Variants in RP2 observed in about 807,000 individuals in gnomAD.
The protein encoded by RP2 is protein XRP2.
A neutral mutation model predicts 20.3 loss-of-function variants in RP2; 3 were observed. That is an observed-to-expected ratio of 0.15 (90% CI 0.07 to 0.38). The LOEUF (loss-of-function observed/expected upper bound fraction) is 0.38. Among genes scored for constraint, RP2 ranks in the 10% least tolerant of loss-of-function variants. RP2 has a pLI of 1.00. For synonymous variants in RP2, 75 were observed against 94.8 expected, an observed-to-expected ratio of 0.79 and a Z score of 1.22; for missense variants, 233 against 268.5, an observed-to-expected ratio of 0.87 and a Z score of 0.92.
rs60305957 is a variant in RP2 at position 46,847,901 on chromosome X, T to C, written c.103-5575T>C. Among the ~76,000 whole-genome samples, 383 of 84,536 alleles carry C rather than the reference T, an allele frequency of 4.5e-3. 4 individuals are homozygous for C. The highest frequency in any genetic ancestry group is 0.013 in the African/African-American group (307 of 22,868). 73.4% of individuals were successfully genotyped at this position (84,536 alleles called of 115,157 possible). A position where few individuals can be genotyped will look rare whatever the true frequency, so the allele number is the denominator to read the frequency against. On this transcript the variant is annotated intron_variant, in intron 1 of 4. Coordinates refer to ENST00000218340, the MANE Select transcript of RP2 (RefSeq NM_006915.3). ...ACACGCATATATATGCGTATATACA[T>C]ATATATGGACTCATATATGTGTATA...
chrX:46,880,965 C>G lies in RP2; in HGVS notation c.*1196C>G, dbSNP rs782516221. ...GAGAAGGCACTGAATCTGCCATCCA[C>G]ATCACATATAGCAGCTATTATGAAA... On this transcript the variant is annotated 3_prime_UTR_variant, in exon 5 of 5. Coordinates refer to ENST00000218340, the MANE Select transcript of RP2 (RefSeq NM_006915.3). The G allele has an allele frequency of 8.9e-6, 1 of 111,782 alleles. No homozygotes were observed. The highest frequency in any genetic ancestry group is 1.9e-5 in the Non-Finnish European group (1 of 53,175). The allele number at this position is 111,782 out of a possible 1,213,427, so 9.2% of individuals were successfully genotyped here. A position where few individuals can be genotyped will look rare whatever the true frequency, so the allele number is the denominator to read the frequency against.
intron 3 of RP2, among the ~76,000 whole-genome samples, chrX:46,874,571 A>C (rs1013336848): frequency 1.8e-5 from 2 of 111,580 alleles, no homozygotes; most frequent in Non-Finnish European, 3.8e-5. Context: ...AAAAAAACTC[A>C]TTGTTTGCTA....
chrX:46,882,102 T>G lies in RP2; in HGVS notation c.*2333T>G, dbSNP rs782755122. 2 of 112,412 alleles carry G rather than the reference T, an allele frequency of 1.8e-5. No individual in the cohort carries two copies. Among genetic ancestry groups the G allele is most frequent in the Non-Finnish European group, 3.8e-5 (2 of 53,303 alleles). 9.3% of individuals were successfully genotyped at this position (112,412 alleles called of 1,213,427 possible). On this transcript the variant is annotated 3_prime_UTR_variant, in exon 5 of 5. Coordinates refer to ENST00000218340, the MANE Select transcript of RP2 (RefSeq NM_006915.3). The stretch of plus-strand genomic sequence containing the variant: ...AGTAGTGCTATGGTTGTTTCTATAA[T>G]TCTAACCTTTGATAGTAATCAGAAT...
intron 3 of RP2, among the ~76,000 whole-genome samples, chrX:46,860,488 T>C (rs1350715916): frequency 3.6e-5 from 4 of 112,210 alleles, no homozygotes; most frequent in African/African-American, 6.5e-5. Context: ...TTAATCATAC[T>C]GGAAAAGAAA....
At chrX:46,867,847 GCTGA>G (rs1193575552) in intron 3 of RP2, among the ~76,000 whole-genome samples, 8 of 111,819 alleles carry the variant, frequency 7.2e-5, no homozygotes, top group African/African-American at 9.8e-5. Context: ...TCCTTTTATG[GCTGA>G]CTAATATTCC....
intron 3 of RP2, among the ~76,000 whole-genome samples, chrX:46,860,903 T>C (rs1187609570): frequency 8.9e-6 from 1 of 112,150 alleles, no homozygotes; most frequent in African/African-American, 3.2e-5. Flanking sequence ...AAAATCTGTA[T>C]GCAAATGTTA....
intron 2 of RP2, among the ~76,000 whole-genome samples, chrX:46,856,568 A>G (rs142206340): frequency 3.0e-3 from 339 of 112,309 alleles, no homozygotes; most frequent in Non-Finnish European, 4.6e-3. Flanking sequence ...TAAAGAGGGT[A>G]AGTACCTTGC....
intron 3 of RP2, among the ~76,000 whole-genome samples, chrX:46,866,965 T>C (rs976240631): frequency 1.8e-5 from 2 of 112,112 alleles, no homozygotes; most frequent in East Asian, 5.6e-4. Context: ...CCTGTCCCTA[T>C]GATTTTGTCT....
At chrX:46,878,702 G>C (rs1198492337) in intron 4 of RP2, among the ~76,000 whole-genome samples, 2 of 111,136 alleles carry the variant, frequency 1.8e-5, no homozygotes, top group Non-Finnish European at 3.8e-5. Flanking sequence ...GTTAGAATTT[G>C]GACTTTTAGA....
At chrX:46,850,641 G>A (rs782292340) in intron 1 of RP2, among the ~76,000 whole-genome samples, 6 of 111,358 alleles carry the variant, frequency 5.4e-5, no homozygotes, top group Non-Finnish European at 9.4e-5. Context: ...CCTGGCATGG[G>A]AAGGGAGGGT....
At chrX:46,860,213 CTTT>C in intron 3 of RP2, 111 bp downstream of exon 3, 1 of 562,700 alleles carries the variant, frequency 1.8e-6, no homozygotes, top group East Asian at 3.6e-5. Context: ...CTCATTTGTT[CTTT>C]GTTTTTTTTC....
chrX:46,865,446 A>G (rs1925154090), intron 3 of RP2, among the ~76,000 whole-genome samples: 1 of 112,186 alleles, frequency 8.9e-6, no homozygotes, highest in Non-Finnish European at 1.9e-5. Flanking sequence ...ACGACATCAC[A>G]GGGCACATGA....
rs1348834856 is a variant in RP2, at chrX:46,838,598, C to T, written c.102+1396C>T. Among the ~76,000 whole-genome samples the T allele has an allele frequency of 2.7e-5, 3 of 112,608 alleles. No individual in the cohort carries two copies. The Admixed American group carries it at 2.8e-4, about 11-fold the overall frequency. On this transcript the variant is annotated intron_variant, in intron 1 of 4. Transcript: ENST00000218340. ...TTTTTCTTTTGAACTCAGGCTAAAT[C>T]TAAACTAAATAAAATGCCTTTTTTA...
intron 1 of RP2, among the ~76,000 whole-genome samples, chrX:46,847,730 G>A (rs9781063): frequency 2.6e-4 from 23 of 89,839 alleles, no homozygotes; most frequent in African/African-American, 6.4e-4. Flanking sequence ...ATGTGTGTGT[G>A]TATATACACA....
intron 1 of RP2, among the ~76,000 whole-genome samples, chrX:46,839,624 T>A (rs1411524453): frequency 9.0e-6 from 1 of 111,689 alleles, no homozygotes. Context: ...TTTGGGCTAG[T>A]GTGCAAATGT....
chrX:46,850,802 T>C (rs1436334327), intron 1 of RP2, among the ~76,000 whole-genome samples: 3 of 111,884 alleles, frequency 2.7e-5, no homozygotes, highest in Non-Finnish European at 5.6e-5. Flanking sequence ...ATGGTCAAGT[T>C]GTTTTTAGTT....
chrX:46,867,648 C>G (rs1041714202), intron 3 of RP2, among the ~76,000 whole-genome samples: 1 of 110,355 alleles, frequency 9.1e-6, no homozygotes, highest in East Asian at 2.8e-4. Flanking sequence ...CACATTCCCC[C>G]CCACCCCACT....
At chrX:46,847,781 TAC>T (rs201124300) in intron 1 of RP2, among the ~76,000 whole-genome samples, 8 of 71,322 alleles carry the variant, frequency 1.1e-4, no homozygotes, top group Non-Finnish European at 1.8e-4. Context: ...TGTGTGTACA[TAC>T]ACACATGTGT....
intron 3 of RP2, among the ~76,000 whole-genome samples, chrX:46,865,783 C>T (rs1556322222): frequency 1.8e-5 from 2 of 111,055 alleles, no homozygotes; most frequent in South Asian, 7.7e-4. Context: ...CATAAATTAG[C>T]TGGATGTGGT....
Sources: gnomAD v4.1 joint callset for allele counts (sites outside exome capture counted in the v4.1 genomes callset) on GRCh38, gnomAD v4.1.1 for gene constraint, MANE v1.5 for transcripts, NCBI Gene and HGNC (gene_info 2026-07-23, HGNC 2026-07-21) for gene names.